INPP5D: variants seen among roughly 807,000 people sequenced by gnomAD.
The protein encoded by INPP5D is phosphatidylinositol 3,4,5-trisphosphate 5-phosphatase 1.
A neutral mutation model predicts 122.9 loss-of-function variants in INPP5D; 33 were observed. That is an observed-to-expected ratio of 0.27 (90% CI 0.20 to 0.36). The LOEUF is 0.36. Ranked by LOEUF, INPP5D falls within the 10% of genes least tolerant of loss-of-function variation. The pLI is 1.00. For missense variants in INPP5D, 1,053 were observed against 1,412.7 expected, an observed-to-expected ratio of 0.75 and a Z score of 4.08; for synonymous variants, 584 against 576.2, an observed-to-expected ratio of 1.01 and a Z score of -0.19.
chr2:233,204,651 CCCGCATCA>C lies in INPP5D; in HGVS notation c.3503_3510del (p.Pro1168ArgfsTer28). On this transcript the variant is annotated frameshift_variant, in exon 26 of 27. Transcript: ENST00000445964. LOFTEE classifies it high-confidence loss of function. ...GCGACTACCGCGACAACACCGAGCT[CCCGCATCA>C]CGGCAAGCACCGGCCGGAGGAGGGG... is the stretch of plus-strand genomic sequence containing the variant. 6.3e-7 allele frequency: 1 copy of C among 1,584,016 alleles called. No individual in the cohort carries two copies. Among genetic ancestry groups the C allele is most frequent in the Non-Finnish European group, 8.6e-7 (1 of 1,166,312 alleles).
chr2:233,176,350 TG>T (rs1326579162), intron 17 of INPP5D, among the ~76,000 whole-genome samples: 64 of 149,660 alleles, frequency 4.3e-4, no homozygotes, highest in Admixed American at 1.3e-3. Flanking sequence ...GATGGATGGA[TG>T]GATGGATAGG....
intron 2 of INPP5D, among the ~76,000 whole-genome samples, chr2:233,104,671 C>A (rs67588496): frequency 0.062 from 9,398 of 152,106 alleles, 642 homozygotes; most frequent in African/African-American, 0.17. Context: ...GTTGGGGGGT[C>A]CAAATTCTTT....
intron 1 of INPP5D, among the ~76,000 whole-genome samples, chr2:233,069,293 C>T (rs1489524571): frequency 6.6e-6 from 1 of 152,116 alleles, no homozygotes; most frequent in Non-Finnish European, 1.5e-5. Context: ...ACACAGCTGT[C>T]AGTGGCAATG....
chr2:233,169,106 G>A, intron 13 of INPP5D, among the ~76,000 whole-genome samples, 199 bp from the exon 14 acceptor site: 1 of 152,096 alleles, frequency 6.6e-6, no homozygotes, highest in East Asian at 1.9e-4. Flanking sequence ...GGCTGAGGCT[G>A]CCGCCATCTG....
Position 233,146,400 on chromosome 2 carries a change from C to T in INPP5D, c.868C>T (p.Pro290Ser). 1.4e-6 allele frequency: 1 copy of T among 704,318 alleles called. No individual in the cohort carries two copies. 43.6% of individuals were successfully genotyped at this position (704,318 alleles called of 1,614,324 possible). ...CTTGCTGCACGAGGGTCCTGAGTCT[C>T]CGCACCGGCCCTCCCTTATCCCTCC... is the stretch of plus-strand genomic sequence containing the variant. ...KALLHEGPESPHRPSLIPPVT... is the reference protein window; with the variant it reads ...KALLHEGPESSHRPSLIPPVT... Residue 290 changes from proline (P) to serine (S), a missense_variant, in exon 8 of 27, where the codon CCG (proline) becomes TCG (serine). Pro to Ser is a moderately conservative substitution (Grantham distance 74, BLOSUM62 -1). Coordinates refer to ENST00000445964, the MANE Select transcript of INPP5D (RefSeq NM_001017915.3).
Position 233,206,298 on chromosome 2 carries a change from G to A in INPP5D, c.3568-408G>A, listed in dbSNP as rs577426896. 6.6e-5 allele frequency among the ~76,000 whole-genome samples: 10 copies of A among 151,342 alleles called. No individual in the cohort carries two copies. Among genetic ancestry groups the A allele is most frequent in the Admixed American group, 1.3e-4 (2 of 15,178 alleles). ...ATATTTATATTTATGTATTTACATT[G>A]ATATCCATTACATATCATTTCATAT... On this transcript the variant is annotated intron_variant, in intron 26 of 26. Coordinates refer to ENST00000445964, the MANE Select transcript of INPP5D (RefSeq NM_001017915.3). This position sits in a 1 kb window ranked among gnomAD's most constrained non-coding sequence, Gnocchi z 4.0.
chr2:233,198,040 C>G (rs549563312), intron 24 of INPP5D, 55 bp from the exon 25 acceptor site: 666 of 1,482,938 alleles, frequency 4.5e-4, no homozygotes, highest in Non-Finnish European at 5.2e-4. Flanking sequence ...TGGGCTGGTG[C>G]TGACCCCGAG....
rs1408779736 is a variant in INPP5D, at chr2:233,082,916, C to A, written c.198+3518C>A. Reference sequence around the variant, plus strand: ...AGGTGTTTCCAAGCCTGTCTGGAGTCCCCTGGGGAAGGATGAGCCCAGGAC... The same window carrying A: ...AGGTGTTTCCAAGCCTGTCTGGAGTACCCTGGGGAAGGATGAGCCCAGGAC... On this transcript the variant is annotated intron_variant, in intron 2 of 26. Transcript: ENST00000445964. The surrounding 1 kb of genome is among the most constrained non-coding windows in gnomAD (Gnocchi z 4.7). Among the ~76,000 whole-genome samples, 1 of 152,350 alleles carries A rather than the reference C, an allele frequency of 6.6e-6. No individual in the cohort carries two copies. Among genetic ancestry groups the A allele is most frequent in the East Asian group, 1.9e-4 (1 of 5,190 alleles).
chr2:233,204,619 A>G lies in INPP5D; in HGVS notation c.3469A>G (p.Lys1157Glu). ...SPAVLHLQHS[K>E]GRDYRDNTEL... ...GGCGGTGCTGCACCTCCAGCACTCC[A>G]AGGGCCGCGACTACCGCGACAACAC... The change falls in exon 26 of 27, where the codon AAG becomes GAG. Residue 1157 changes from lysine to glutamate, a missense_variant. Lys to Glu is a moderately conservative substitution (Grantham distance 56). Coordinates refer to ENST00000445964, the MANE Select transcript of INPP5D (RefSeq NM_001017915.3). The G allele has an allele frequency of 6.3e-7, 1 of 1,577,972 alleles. No homozygotes were observed. The highest frequency in any genetic ancestry group is 8.6e-7 in the Non-Finnish European group (1 of 1,163,658).
At position 233,170,814 on chromosome 2, in the gene INPP5D, G is replaced by A. The variant is rs1694474430; in HGVS notation, c.1900+210G>A. Among the ~76,000 whole-genome samples the A allele has an allele frequency of 6.6e-6, 1 of 151,536 alleles. No individual in the cohort carries two copies. The highest frequency in any genetic ancestry group is 6.6e-5 in the Admixed American group (1 of 15,192). On this transcript the variant is annotated intron_variant, in intron 16 of 26. Coordinates refer to ENST00000445964, the MANE Select transcript of INPP5D (RefSeq NM_001017915.3). This position sits in a 1 kb window ranked among gnomAD's most constrained non-coding sequence, Gnocchi z 4.5. The stretch of plus-strand genomic sequence containing the variant: ...CCAGCTACTTGGGAGGCTGAGGCAG[G>A]AGGATGGTGTGAACCAGGGAGGCAG...
At chr2:233,155,188 T>TA (rs1267315044) in intron 9 of INPP5D, among the ~76,000 whole-genome samples, 1 of 151,470 alleles carries the variant, frequency 6.6e-6, no homozygotes, top group Non-Finnish European at 1.5e-5. Context: ...TCTGGGGCAA[T>TA]AAAAAATATT....
At chr2:233,088,203 C>G (rs1216604597) in intron 2 of INPP5D, among the ~76,000 whole-genome samples, 1 of 151,888 alleles carries the variant, frequency 6.6e-6, no homozygotes, top group African/African-American at 2.4e-5. Context: ...TCTCAAACTT[C>G]TGACCTTGTG....
chr2:233,131,438 T>A (rs1574752752), intron 5 of INPP5D, among the ~76,000 whole-genome samples: 1 of 152,064 alleles, frequency 6.6e-6, no homozygotes, highest in East Asian at 1.9e-4. Flanking sequence ...GGCTCACGCC[T>A]GTAATACCAA....
At chr2:233,092,622 T>G (rs1289024411) in intron 2 of INPP5D, among the ~76,000 whole-genome samples, 2 of 152,130 alleles carry the variant, frequency 1.3e-5, no homozygotes, top group Non-Finnish European at 2.9e-5. Context: ...GACCTTTGCT[T>G]GGGGTGAGAA....
intron 19 of INPP5D, 79 bp from the exon 20 acceptor site, chr2:233,184,329 A>T (rs1405241074): frequency 1.9e-6 from 3 of 1,543,166 alleles, no homozygotes; most frequent in Non-Finnish European, 1.8e-6. Context: ...GGAGCTCAGT[A>T]TGTGGCATGA....
chr2:233,154,004 C>T (rs1336107109), intron 9 of INPP5D, among the ~76,000 whole-genome samples: 1 of 152,214 alleles, frequency 6.6e-6, no homozygotes, highest in Non-Finnish European at 1.5e-5. Context: ...CAGGATTCAG[C>T]CCATCAGACC....
chr2:233,102,869 C>CAAAA (rs1041744645), intron 2 of INPP5D, among the ~76,000 whole-genome samples: 6 of 145,900 alleles, frequency 4.1e-5, no homozygotes, highest in African/African-American at 5.2e-5. Flanking sequence ...AAAAAACAAC[C>CAAAA]AAAAAACCAC....
chr2:233,196,759 G>A (rs1407716926), intron 24 of INPP5D, among the ~76,000 whole-genome samples: 1 of 152,058 alleles, frequency 6.6e-6, no homozygotes, highest in Non-Finnish European at 1.5e-5. Flanking sequence ...AGCCGAGGAG[G>A]CAGAACCATG....
chr2:233,134,958 A>C (rs762588991), intron 5 of INPP5D, among the ~76,000 whole-genome samples: 1 of 129,688 alleles, frequency 7.7e-6, no homozygotes, highest in African/African-American at 2.5e-5. Flanking sequence ...TGAAAAGATT[A>C]AGCAAACCTA....
Sources: gnomAD v4.1 joint callset for allele counts (sites outside exome capture counted in the v4.1 genomes callset) on GRCh38, gnomAD v4.1.1 for gene constraint, Gnocchi (gnomAD v3.1) non-coding constraint, MANE v1.5 for transcripts, NCBI Gene and HGNC (gene_info 2026-07-23, HGNC 2026-07-21) for gene names.